The following SPATA21 variants were observed in gnomAD, a reference collection of about 807,000 sequenced individuals.
The protein encoded by SPATA21 is spermatogenesis-associated protein 21.
Under a neutral mutation model 54.8 loss-of-function variants are expected in SPATA21, and 47 were observed. That is an observed-to-expected ratio of 0.86 (90% CI 0.68 to 1.09). The LOEUF is 1.09. Among genes scored for constraint, SPATA21 ranks in the 50% least tolerant of loss-of-function variants. The pLI is 0.00. For missense variants in SPATA21, 599 were observed against 596.4 expected, an observed-to-expected ratio of 1.00 and a Z score of -0.05; for synonymous variants, 245 against 235.3, an observed-to-expected ratio of 1.04 and a Z score of -0.38.
chr1:16,433,993 G>T (rs760019940), intron 1 of SPATA21, among the ~76,000 whole-genome samples: 59 of 151,992 alleles, frequency 3.9e-4, no homozygotes, highest in Non-Finnish European at 7.5e-4. Context: ...CACCCCTTGG[G>T]CATCATCCCC....
chr1:16,406,901 T>C (rs1046935685), intron 7 of SPATA21, among the ~76,000 whole-genome samples: 1 of 152,186 alleles, frequency 6.6e-6, no homozygotes, highest in East Asian at 1.9e-4. Flanking sequence ...CCCCCTGATC[T>C]TGGACTTCCA....
At chr1:16,402,550 C>CTCCCGGTTGGAGTTGT (rs2085488141) in intron 10 of SPATA21, among the ~76,000 whole-genome samples, 1 of 151,588 alleles carries the variant, frequency 6.6e-6, no homozygotes, top group East Asian at 1.9e-4. Flanking sequence ...CATGAGCCAC[C>CTCCCGGTTGGAGTTGT]ATGCCTGGCT....
At chr1:16,427,350 G>C (rs939499851) in intron 3 of SPATA21, among the ~76,000 whole-genome samples, 6 of 152,054 alleles carry the variant, frequency 3.9e-5, no homozygotes, top group Non-Finnish European at 2.9e-5. Flanking sequence ...ATCCAACTAA[G>C]CCAGCTAGTC....
intron 5 of SPATA21, among the ~76,000 whole-genome samples, chr1:16,415,183 A>T (rs2085966599): frequency 6.6e-6 from 1 of 152,180 alleles, no homozygotes; most frequent in African/African-American, 2.4e-5. Context: ...CAGAAAATAC[A>T]AAAATTAGCC....
At position 16,402,249 on chromosome 1, in the gene SPATA21, CTTTTTTTTTTTTTTT is replaced by C. The variant is rs869032281; in HGVS notation, c.1002-1372_1002-1358del. ...CTTCTGGCAGTTCTGAGCTGCCATT[CTTTTTTTTTTTTTTT>C]TTTTTTTTTTTTTTGAGATGGAGTT... On this transcript the variant is annotated intron_variant, in intron 10 of 12. Transcript: ENST00000335496. 1.6e-4 allele frequency among the ~76,000 whole-genome samples: 9 copies of C among 55,954 alleles called. No homozygotes were observed. In the South Asian group the frequency reaches 3.0e-3, roughly 19 times the overall value. 36.7% of individuals were successfully genotyped at this position (55,954 alleles called of 152,430 possible). A position where few individuals can be genotyped will look rare whatever the true frequency, so the allele number is the denominator to read the frequency against.
chr1:16,436,721 G>A (rs2086594279), intron 1 of SPATA21, among the ~76,000 whole-genome samples: 2 of 151,588 alleles, frequency 1.3e-5, no homozygotes, highest in Admixed American at 6.6e-5. Context: ...AGCAGAGACT[G>A]CACCACTACA....
chr1:16,403,615 T>C (rs2085527657), intron 10 of SPATA21, 112 bp downstream of exon 10: 11 of 966,472 alleles, frequency 1.1e-5, no homozygotes, highest in Non-Finnish European at 1.8e-5. Flanking sequence ...CAGCCTCCAG[T>C]TTCTTTCACT....
downstream of SPATA21, chr1:16,397,333 C>T (rs531749497): frequency 3.0e-3 from 457 of 152,276 alleles, 2 homozygotes; most frequent in Non-Finnish European, 3.6e-3. This position sits in a 1 kb window ranked among gnomAD's most constrained non-coding sequence, Gnocchi z 5.4. Flanking sequence ...TAGCAGGCAA[C>T]GTTTTTAAAA....
In SPATA21 at chr1:16,421,681, C is replaced by G; in HGVS notation, c.96-124G>C. On this transcript the variant is annotated intron_variant, in intron 4 of 12. Coordinates refer to ENST00000335496, the MANE Select transcript of SPATA21 (RefSeq NM_198546.1). The surrounding 1 kb of genome is among the most constrained non-coding windows in gnomAD (Gnocchi z 5.2). ...AGCCTCATCCCCTTGGCCTTCTCAT[C>G]TCAGGGGGCTCCTTATGTCCCCACA... is the stretch of plus-strand genomic sequence containing the variant. The G allele has an allele frequency of 3.4e-6, 4 of 1,162,776 alleles. No individual in the cohort carries two copies. The South Asian group carries it at 5.8e-5, about 17-fold the overall frequency. 72.0% of individuals were successfully genotyped at this position (1,162,776 alleles called of 1,614,324 possible).
chr1:16,431,685 G>A (rs1041650359), intron 2 of SPATA21, among the ~76,000 whole-genome samples: 18 of 152,182 alleles, frequency 1.2e-4, no homozygotes, highest in Admixed American at 2.6e-4. Flanking sequence ...CTGCTAGGTC[G>A]CAGACGAGGA....
At position 16,404,027 on chromosome 1, in the gene SPATA21, A is replaced by G; in HGVS notation, c.824T>C (p.Val275Ala). 1 of 1,555,444 alleles carries G rather than the reference A, an allele frequency of 6.4e-7. No homozygotes were observed. The highest frequency in any genetic ancestry group is 8.7e-7 in the Non-Finnish European group (1 of 1,148,898). The change falls in exon 9 of 13, where the codon GTG becomes GCG. Residue 275 changes from valine (V) to alanine (A), a missense_variant. Coordinates refer to ENST00000335496, the MANE Select transcript of SPATA21 (RefSeq NM_198546.1). ...MSADVNGDGR[V>A]DFKDFLAVMT... ...CACAGCCAAGAAGTCTTTGAAGTCC[A>G]CACGACCATCTCCTGTGGAGGCCAG...
At position 16,409,035 on chromosome 1, in the gene SPATA21, C is replaced by T. The variant is rs2085740918; in HGVS notation, c.673+83G>A. The T allele has an allele frequency of 3.4e-6, 5 of 1,460,840 alleles. No individual in the cohort carries two copies. The highest frequency in any genetic ancestry group is 4.8e-6 in the Non-Finnish European group (5 of 1,048,036). The allele number at this position is 1,460,840 out of a possible 1,614,324, so 90.5% of individuals were successfully genotyped here. A position where few individuals can be genotyped will look rare whatever the true frequency, so the allele number is the denominator to read the frequency against. On this transcript the variant is annotated intron_variant, in intron 7 of 12. Transcript: ENST00000335496. The surrounding 1 kb of genome is among the most constrained non-coding windows in gnomAD (Gnocchi z 4.1). ...CGGCAGCCATGTGATCTGGAAAGCA[C>T]CCCAGTCCGCCCTGCGCCTATAAAC...
At chr1:16,431,489 T>C in intron 2 of SPATA21, 67 bp from the exon 3 acceptor site, 1 of 1,460,476 alleles carries the variant, frequency 6.8e-7, no homozygotes. Flanking sequence ...AGGAGCCCAC[T>C]TGGAGCCTAT....
At position 16,421,042 on chromosome 1, in the gene SPATA21, G is replaced by A. The variant is rs1221199548; in HGVS notation, c.144+467C>T. Among the ~76,000 whole-genome samples the A allele has an allele frequency of 1.3e-5, 2 of 152,158 alleles. No homozygotes were observed. Among genetic ancestry groups the A allele is most frequent in the Admixed American group, 6.6e-5 (1 of 15,262 alleles). The stretch of plus-strand genomic sequence containing the variant: ...ATGAGACAGGGCAGATGCTGGCAGG[G>A]CATGCATGCTAGTGACTGTGTATTT... On this transcript the variant is annotated intron_variant, in intron 5 of 12. Coordinates refer to ENST00000335496, the MANE Select transcript of SPATA21 (RefSeq NM_198546.1). This position sits in a 1 kb window ranked among gnomAD's most constrained non-coding sequence, Gnocchi z 5.2.
intron 10 of SPATA21, among the ~76,000 whole-genome samples, chr1:16,402,217 T>C (rs2085468795): frequency 6.7e-6 from 1 of 148,976 alleles, no homozygotes; most frequent in African/African-American, 2.5e-5. Context: ...TACAGGCTTT[T>C]CCCTTTCTTC....
Position 16,424,278 on chromosome 1 carries a change from A to T in SPATA21, c.35-2307T>A, listed in dbSNP as rs976340141. ...CAGTGAGCCGAGATTGCGCCACTGC[A>T]CTCCAGCCTGGGCGACAGAGCAAGA... On this transcript the variant is annotated intron_variant, in intron 3 of 12. Coordinates refer to ENST00000335496, the MANE Select transcript of SPATA21 (RefSeq NM_198546.1). Among the ~76,000 whole-genome samples the T allele has an allele frequency of 1.1e-4, 12 of 113,246 alleles. No homozygotes were observed. The East Asian group carries it at 1.7e-3, about 16-fold the overall frequency. The allele number at this position is 113,246 out of a possible 152,430, so 74.3% of individuals were successfully genotyped here. A position where few individuals can be genotyped will look rare whatever the true frequency, so the allele number is the denominator to read the frequency against.
rs1339447490 is a variant in SPATA21, at chr1:16,409,525, A to G, written c.587+76T>C. On this transcript the variant is annotated intron_variant, in intron 6 of 12. Coordinates refer to ENST00000335496, the MANE Select transcript of SPATA21 (RefSeq NM_198546.1). This position sits in a 1 kb window ranked among gnomAD's most constrained non-coding sequence, Gnocchi z 4.1. ...CGAGGGAACAGGCAGGTGCAGGGAC[A>G]GGGACCTGCATCCGGGACAAGGCTC... 6.2e-6 allele frequency: 9 copies of G among 1,444,378 alleles called. 1 individual carries two copies. Among genetic ancestry groups the G allele is most frequent in the Non-Finnish European group, 8.4e-6 (9 of 1,065,816 alleles). 89.5% of individuals were successfully genotyped at this position (1,444,378 alleles called of 1,614,324 possible).
intron 3 of SPATA21, chr1:16,425,523 C>T: frequency 6.5e-7 from 1 of 1,548,612 alleles, no homozygotes; most frequent in South Asian, 1.2e-5. Context: ...TCCTAGGTTA[C>T]CTGGCAGCTC....
At chr1:16,404,106 C>T (rs947708615) in intron 8 of SPATA21, 67 bp from the exon 9 acceptor site, 22 of 1,386,140 alleles carry the variant, frequency 1.6e-5, no homozygotes, top group East Asian at 5.0e-5. Flanking sequence ...GCAGCCCAGG[C>T]GTGGTTATTA....
Sources: allele counts gnomAD v4.1 joint callset (sites outside exome capture counted in the v4.1 genomes callset), GRCh38; gene constraint gnomAD v4.1.1; non-coding constraint Gnocchi (gnomAD v3.1); transcripts MANE v1.5; gene names NCBI Gene and HGNC (gene_info 2026-07-23, HGNC 2026-07-21).